The following TTLL9 variants were observed in gnomAD, a reference collection of about 807,000 sequenced individuals.
TTLL9 encodes tubulin tyrosine ligase like 9.
A neutral mutation model predicts 65.6 loss-of-function variants in TTLL9; 47 were observed. The ratio of observed to expected loss-of-function variants is 0.72; its 90% CI spans 0.57 to 0.91. TTLL9 has a LOEUF of 0.91. TTLL9 is among the 40% of genes least tolerant of loss of function. The pLI is 0.00. For missense variants in TTLL9, 537 were observed against 568.8 expected, an observed-to-expected ratio of 0.94 and a Z score of 0.57; for synonymous variants, 179 against 204.8, an observed-to-expected ratio of 0.87 and a Z score of 1.07.
intron 6 of TTLL9, among the ~76,000 whole-genome samples, chr20:31,918,835 G>T (rs1016953944): frequency 6.6e-6 from 1 of 152,326 alleles, no homozygotes; most frequent in East Asian, 1.9e-4. Flanking sequence ...CACCACCAGT[G>T]CTCCATAGAG....
chr20:31,890,138 C>CTTTCTTTCT (rs2063278578), intron 3 of TTLL9, among the ~76,000 whole-genome samples: 1 of 34,964 alleles, frequency 2.9e-5, no homozygotes, highest in African/African-American at 1.7e-4. Flanking sequence ...TCCTTCCTTC[C>CTTTCTTTCT]TTCCTTCCTT....
At chr20:31,941,532 C>T (rs1237400803) in intron 14 of TTLL9, among the ~76,000 whole-genome samples, 1 of 151,930 alleles carries the variant, frequency 6.6e-6, no homozygotes, top group Non-Finnish European at 1.5e-5. Flanking sequence ...TTCCAATATG[C>T]AGCCCAAGTT....
chr20:31,873,826 A>C (rs1041933255), intron 2 of TTLL9, among the ~76,000 whole-genome samples: 1 of 29,864 alleles, frequency 3.3e-5, no homozygotes, highest in African/African-American at 1.5e-4. Flanking sequence ...GGAAGGAAGA[A>C]AGAAAGAAAG....
At chr20:31,892,551 C>T (rs890247513) in intron 3 of TTLL9, among the ~76,000 whole-genome samples, 5 of 152,308 alleles carry the variant, frequency 3.3e-5, no homozygotes, top group African/African-American at 1.2e-4. Flanking sequence ...TTTTGTGACT[C>T]TCTTTAACGT....
At chr20:31,895,424 C>T (rs1300668667) in intron 3 of TTLL9, among the ~76,000 whole-genome samples, 1 of 152,184 alleles carries the variant, frequency 6.6e-6, no homozygotes, top group Non-Finnish European at 1.5e-5. Flanking sequence ...GTACTCTTGT[C>T]TCATGTGGGA....
rs923244186 is a variant in TTLL9, at chr20:31,944,836, C to G, written c.*1815C>G. On this transcript the variant is annotated 3_prime_UTR_variant, in exon 15 of 15. Coordinates refer to ENST00000535842, the MANE Select transcript of TTLL9 (RefSeq NM_001008409.5). ...CCCCTGCCATGCTGCCATTTGTTATCACCCGCCTGTCAAATCACAGGTTTA... is the reference window on the plus strand; with the variant it reads ...CCCCTGCCATGCTGCCATTTGTTATGACCCGCCTGTCAAATCACAGGTTTA... 1 of 152,190 alleles carries G rather than the reference C, an allele frequency of 6.6e-6. No individual in the cohort carries two copies. The highest frequency in any genetic ancestry group is 2.4e-5 in the African/African-American group (1 of 41,432). The allele number at this position is 152,190 out of a possible 1,614,324, so 9.4% of individuals were successfully genotyped here.
chr20:31,879,080 T>C (rs1049116967), intron 2 of TTLL9, among the ~76,000 whole-genome samples: 1 of 152,168 alleles, frequency 6.6e-6, no homozygotes, highest in Non-Finnish European at 1.5e-5. Flanking sequence ...CCCAGCACTT[T>C]TGGAGGTCGA....
intron 3 of TTLL9, among the ~76,000 whole-genome samples, chr20:31,891,837 C>G (rs781550798): frequency 7.9e-5 from 12 of 152,316 alleles, no homozygotes; most frequent in Non-Finnish European, 1.8e-4. Context: ...GAGTCTCACT[C>G]TGTCACCCAG....
chr20:31,887,164 C>G, intron 2 of TTLL9, 32 bp from the exon 3 acceptor site: 1 of 1,612,914 alleles, frequency 6.2e-7, no homozygotes, highest in Non-Finnish European at 8.5e-7. Context: ...ATATACAAAA[C>G]CAGTTACATC....
intron 7 of TTLL9, 67 bp downstream of exon 7, chr20:31,919,999 C>A: frequency 7.3e-7 from 1 of 1,372,448 alleles, no homozygotes; most frequent in Non-Finnish European, 9.8e-7. Flanking sequence ...AGGGGCCACT[C>A]CTTCCTGCAA....
intron 2 of TTLL9, among the ~76,000 whole-genome samples, chr20:31,884,530 A>G (rs768672150): frequency 1.5e-4 from 23 of 152,240 alleles, no homozygotes; most frequent in Non-Finnish European, 2.6e-4. Context: ...CCTGGTCCCT[A>G]TCTTACAGTT....
rs1600642466 is a variant in TTLL9, at chr20:31,944,551, C to T, written c.*1530C>T. Reference sequence around the variant, plus strand: ...AAGACACCAGCCTTCCCCTTGCTTTCCTCACTTGATGTATCTTGGAGCTTG... The same window carrying T: ...AAGACACCAGCCTTCCCCTTGCTTTTCTCACTTGATGTATCTTGGAGCTTG... On this transcript the variant is annotated 3_prime_UTR_variant, in exon 15 of 15. Transcript: ENST00000535842. 1 of 152,322 alleles carries T rather than the reference C, an allele frequency of 6.6e-6. No individual in the cohort carries two copies. The highest frequency in any genetic ancestry group is 6.5e-5 in the Admixed American group (1 of 15,290). 9.4% of individuals were successfully genotyped at this position (152,322 alleles called of 1,614,324 possible). A position where few individuals can be genotyped will look rare whatever the true frequency, so the allele number is the denominator to read the frequency against.
chr20:31,880,251 C>T (rs1293082701), intron 2 of TTLL9, among the ~76,000 whole-genome samples: 2 of 152,098 alleles, frequency 1.3e-5, no homozygotes, highest in Admixed American at 6.5e-5. Context: ...TTGGCGAAAC[C>T]CGCCTGCCCG....
In TTLL9 at chr20:31,925,573, C is replaced by T. The variant is rs76792982; in HGVS notation, c.706-476C>T. Among the ~76,000 whole-genome samples the T allele has an allele frequency of 3.4e-3, 519 of 152,296 alleles. 25 individuals are homozygous for T. In the East Asian group the frequency reaches 0.085, roughly 25 times the overall value. ...CCACCCATTCATGCATTCCTTCATC[C>T]AGCCAATGTTCAAATCTTTTTGCTG... On this transcript the variant is annotated intron_variant, in intron 9 of 14. Transcript: ENST00000535842.
intron 2 of TTLL9, among the ~76,000 whole-genome samples, chr20:31,873,690 GAA>G (rs1447496107): frequency 1.0e-3 from 54 of 51,714 alleles, no homozygotes; most frequent in African/African-American, 2.7e-3. Context: ...GAGAGAGAAA[GAA>G]AGAAAGAAAG....
At position 31,905,964 on chromosome 20, in the gene TTLL9, C is replaced by T. The variant is rs374685523; in HGVS notation, c.207-2627C>T. On this transcript the variant is annotated intron_variant, in intron 4 of 14. Transcript: ENST00000535842. ...AGGAGAATCGCTTGAACCCGAGAGG[C>T]GGAGGTTGCGGTGAGTCGAGATCGT... is the stretch of plus-strand genomic sequence containing the variant. Among the ~76,000 whole-genome samples, 61 of 135,034 alleles carry T rather than the reference C, an allele frequency of 4.5e-4. 2 individuals are homozygous for T. The South Asian group carries it at 0.013, about 29-fold the overall frequency. 88.6% of individuals were successfully genotyped at this position (135,034 alleles called of 152,430 possible). A position where few individuals can be genotyped will look rare whatever the true frequency, so the allele number is the denominator to read the frequency against.
intron 3 of TTLL9, 113 bp downstream of exon 3, chr20:31,887,352 G>A: frequency 8.3e-7 from 1 of 1,202,226 alleles, no homozygotes; most frequent in South Asian, 1.3e-5. Context: ...GAAAATGATA[G>A]TAGAAGGAGT....
intron 12 of TTLL9, among the ~76,000 whole-genome samples, chr20:31,936,302 TAAA>T (rs1013555893): frequency 2.6e-5 from 4 of 152,146 alleles, no homozygotes; most frequent in African/African-American, 9.7e-5. Context: ...GATGTTTACA[TAAA>T]AATCAGAATT....
chr20:31,911,123 C>T lies in TTLL9; in HGVS notation c.504+1201C>T, dbSNP rs556614423. The stretch of plus-strand genomic sequence containing the variant: ...CTGGGAGGTGGAGGTTGCAGTAAGC[C>T]GAGATCGCCCCACTGCACTCCAGCC... On this transcript the variant is annotated intron_variant, in intron 6 of 14. Coordinates refer to ENST00000535842, the MANE Select transcript of TTLL9 (RefSeq NM_001008409.5). Among the ~76,000 whole-genome samples, 34 of 151,768 alleles carry T rather than the reference C, an allele frequency of 2.2e-4. No individual in the cohort carries two copies. In the East Asian group the frequency reaches 5.0e-3, roughly 22 times the overall value.
Sources: allele counts gnomAD v4.1 joint callset (sites outside exome capture counted in the v4.1 genomes callset), GRCh38; gene constraint gnomAD v4.1.1; transcripts MANE v1.5; gene names NCBI Gene and HGNC (gene_info 2026-07-23, HGNC 2026-07-21).